KRT40: variants seen among roughly 807,000 people sequenced by gnomAD.
KRT40 encodes the protein keratin, type I cytoskeletal 40.
Under a neutral mutation model 43.5 loss-of-function variants are expected in KRT40, and 47 were observed. The observed-to-expected ratio is 1.08, with a 90% CI of 0.86 to 1.38. The LOEUF is 1.38. Ranked by LOEUF, KRT40 falls within the 40% of genes most tolerant of loss-of-function variation. The pLI is 0.00. For synonymous variants in KRT40, 212 were observed against 214.0 expected (o/e 0.99, Z 0.08); for missense variants, 573 against 523.6 (o/e 1.09, Z -0.92).
At position 40,984,246 on chromosome 17, in the gene KRT40, AGT is replaced by A. The variant is rs1912353493; in HGVS notation, c.26_27del (p.His9LeufsTer4). 6.2e-7 allele frequency: 1 copy of A among 1,612,766 alleles called. No homozygotes were observed. The highest frequency in any genetic ancestry group is 1.3e-5 in the African/African-American group (1 of 74,980). ...GCCGTGCCACAGGACTCAGGAGAGC[AGT>A]GTGTGGAGGAGCAGTCAGAAGTCAT... is the stretch of plus-strand genomic sequence containing the variant. Reference protein sequence around the residue: MTSDCSSTHCSPESCGTAS... With the variant: MTSDCSSTXCSPESCGTAS... On this transcript the variant is annotated frameshift_variant, in exon 1 of 7. Coordinates refer to ENST00000377755, the MANE Select transcript of KRT40 (RefSeq NM_001389244.1). LOFTEE classifies it high-confidence loss of function.
intron 3 of KRT40, among the ~76,000 whole-genome samples, chr17:40,981,948 G>A (rs1439782687): frequency 2.6e-5 from 4 of 151,732 alleles, no homozygotes; most frequent in South Asian, 2.1e-4. Flanking sequence ...GTAAGATCTC[G>A]GCTCACTGCA....
intron 5 of KRT40, among the ~76,000 whole-genome samples, chr17:40,980,362 G>C (rs993653382): frequency 5.9e-5 from 9 of 152,280 alleles, no homozygotes; most frequent in South Asian, 2.1e-4. Flanking sequence ...TTGCTTGAGT[G>C]GGGGGTGGTG....
At chr17:40,980,614 C>A (rs1002921001) in intron 5 of KRT40, among the ~76,000 whole-genome samples, 171 bp downstream of exon 5, 5 of 152,138 alleles carry the variant, frequency 3.3e-5, no homozygotes, top group African/African-American at 1.2e-4. Flanking sequence ...GAAGGTAAGG[C>A]ATCTTAGAGG....
At chr17:40,984,824 TAA>T (rs1490141240), upstream of KRT40, among the ~76,000 whole-genome samples, 2 of 148,202 alleles carry the variant, frequency 1.3e-5, no homozygotes, top group East Asian at 3.9e-4. Context: ...CATGTGCTGA[TAA>T]AGACTGGAGG....
At chr17:40,978,607 T>C (rs1323720598) in intron 6 of KRT40, among the ~76,000 whole-genome samples, 197 bp downstream of exon 6, 1 of 148,206 alleles carries the variant, frequency 6.7e-6, no homozygotes, top group East Asian at 1.9e-4. Flanking sequence ...ACACTAATAA[T>C]TAATCTGCCT....
At position 40,984,141 on chromosome 17, in the gene KRT40, T is replaced by C; in HGVS notation, c.133A>G (p.Thr45Ala). The C allele has an allele frequency of 1.2e-6, 2 of 1,613,614 alleles. No homozygotes were observed. The highest frequency in any genetic ancestry group is 1.7e-6 in the Non-Finnish European group (2 of 1,179,940). ...CGAGACCTGGATAGGAAGCTTGGAGTCTGACATCGGGATGTAGCACAGGTA... is the reference window on the plus strand; with the variant it reads ...CGAGACCTGGATAGGAAGCTTGGAGCCTGACATCGGGATGTAGCACAGGTA... ...PGTCATSRCQ[T>A]PSFLSRSRGL... is the part of the protein sequence containing the mutation. The change falls in exon 1 of 7, where the codon ACT becomes GCT. Residue 45 changes from threonine (T) to alanine (A), a missense_variant. Physicochemically the swap from Thr to Ala is moderately conservative, Grantham distance 58. Coordinates refer to ENST00000377755, the MANE Select transcript of KRT40 (RefSeq NM_001389244.1).
chr17:40,978,594 G>A (rs1318373870), intron 6 of KRT40, among the ~76,000 whole-genome samples: 2 of 150,244 alleles, frequency 1.3e-5, no homozygotes, highest in Non-Finnish European at 2.9e-5. Flanking sequence ...AGCATGAAAT[G>A]TTACACTAAT....
At chr17:40,978,430 C>G (rs958312944) in intron 6 of KRT40, 134 bp from the exon 7 acceptor site, 4 of 707,726 alleles carry the variant, frequency 5.7e-6, no homozygotes, top group African/African-American at 1.7e-5. Flanking sequence ...TTGACTGAAG[C>G]CTGTTTCTTC....
At chr17:40,986,066 T>A (rs1336089387), upstream of KRT40, among the ~76,000 whole-genome samples, 1 of 152,222 alleles carries the variant, frequency 6.6e-6, no homozygotes, top group African/African-American at 2.4e-5. Flanking sequence ...TGTATAATGA[T>A]CTATAGCTAT....
In KRT40 at chr17:40,983,041, C is replaced by T. The variant is rs1218366736; in HGVS notation, c.530+5G>A. On this transcript the variant is annotated splice_donor_5th_base_variant and intron_variant, in intron 2 of 6. Coordinates refer to ENST00000377755, the MANE Select transcript of KRT40 (RefSeq NM_001389244.1). ...ATAAATAAAATAAAATTAAATTAAA[C>T]TTACTTTGACTTAAAGTCATCAGTG... 2 of 1,156,316 alleles carry T rather than the reference C, an allele frequency of 1.7e-6. No homozygotes were observed. The highest frequency in any genetic ancestry group is 3.1e-5 in the African/African-American group (2 of 63,670). The allele number at this position is 1,156,316 out of a possible 1,614,324, so 71.6% of individuals were successfully genotyped here. A position where few individuals can be genotyped will look rare whatever the true frequency, so the allele number is the denominator to read the frequency against.
In KRT40 at chr17:40,977,908, A is replaced by G. The variant is rs1027165381; in HGVS notation, c.*289T>C. ...AGATGATTTCCTTGCCATAAAATGA[A>G]TATTCTATCAACAGTAATCAGCCAT... is the stretch of plus-strand genomic sequence containing the variant. On this transcript the variant is annotated 3_prime_UTR_variant, in exon 7 of 7. Coordinates refer to ENST00000377755, the MANE Select transcript of KRT40 (RefSeq NM_001389244.1). 4.0e-5 allele frequency: 10 copies of G among 252,826 alleles called. No homozygotes were observed. The highest frequency in any genetic ancestry group is 6.9e-5 in the Non-Finnish European group (9 of 130,906). The allele number at this position is 252,826 out of a possible 1,614,324, so 15.7% of individuals were successfully genotyped here. A position where few individuals can be genotyped will look rare whatever the true frequency, so the allele number is the denominator to read the frequency against.
At position 40,984,266 on chromosome 17, in the gene KRT40, G is replaced by A; in HGVS notation, c.8C>T (p.Ser3Phe). Residue 3 changes from serine (S) to phenylalanine (F), a missense_variant, in exon 1 of 7, where the codon TCT (serine) becomes TTT (phenylalanine). Transcript: ENST00000377755. MTSDCSSTHCSPE... is the reference protein window; with the variant it reads MTFDCSSTHCSPE... Reference sequence around the variant, plus strand: ...AGAGCAGTGTGTGGAGGAGCAGTCAGAAGTCATCCTTCCAGAAGCAAAGAC... The same window carrying A: ...AGAGCAGTGTGTGGAGGAGCAGTCAAAAGTCATCCTTCCAGAAGCAAAGAC... 8 of 1,603,146 alleles carry A rather than the reference G, an allele frequency of 5.0e-6. No homozygotes were observed. The highest frequency in any genetic ancestry group is 6.8e-6 in the Non-Finnish European group (8 of 1,171,906).
intron 5 of KRT40, among the ~76,000 whole-genome samples, chr17:40,979,514 AAG>A (rs1840815604): frequency 6.6e-6 from 1 of 151,704 alleles, no homozygotes; most frequent in East Asian, 1.9e-4. Flanking sequence ...AAAAAAAAAA[AAG>A]AGTTAATGTG....
chr17:40,979,500 C>CA (rs35017931), intron 5 of KRT40, among the ~76,000 whole-genome samples: 1,634 of 129,054 alleles, frequency 0.013, 15 homozygotes, highest in Middle Eastern at 0.032. Flanking sequence ...AGACTCCGTC[C>CA]AAAAAAAAAA....
intron 6 of KRT40, 43 bp downstream of exon 6, chr17:40,978,761 C>G: frequency 1.9e-6 from 3 of 1,544,272 alleles, no homozygotes; most frequent in Non-Finnish European, 2.7e-6. Flanking sequence ...ACATCAGCCT[C>G]TTTGTGACTC....
chr17:40,979,074 C>T, intron 5 of KRT40, 50 bp from the exon 6 acceptor site: 1 of 1,405,468 alleles, frequency 7.1e-7, no homozygotes, highest in Non-Finnish European at 9.9e-7. Context: ...GTCTCTCGGG[C>T]CAGAGTGCCT....
upstream of KRT40, among the ~76,000 whole-genome samples, chr17:40,985,978 T>C (rs2058737): frequency 0.28 from 43,318 of 152,142 alleles, 6,700 homozygotes; most frequent in African/African-American, 0.39. Context: ...AACTAATTTC[T>C]AATTGTAAAT....
At chr17:40,982,915 G>A (rs1027123650) in intron 2 of KRT40, 131 bp downstream of exon 2, 4 of 505,256 alleles carry the variant, frequency 7.9e-6, no homozygotes, top group Admixed American at 3.5e-5. Flanking sequence ...GGCTGAGGCA[G>A]GAGAACCACT....
In KRT40 at chr17:40,981,098, G is replaced by A; in HGVS notation, c.741C>T (p.Asp247=). 1 of 1,614,210 alleles carries A rather than the reference G, an allele frequency of 6.2e-7. No individual in the cohort carries two copies. The highest frequency in any genetic ancestry group is 1.3e-5 in the African/African-American group (1 of 75,058). Residue 247 remains aspartate (D), a synonymous_variant, in exon 4 of 7, where the codon GAC becomes GAT. Coordinates refer to ENST00000377755, the MANE Select transcript of KRT40 (RefSeq NM_001389244.1). ...QLGDRLSVEL[D]TAPTLDLNRV... The stretch of plus-strand genomic sequence containing the variant: ...TGTTGAGGTCAAGGGTGGGGGCAGT[G>A]TCCAGCTCCACACTGAGGCGGTCGC...
Sources: gnomAD v4.1 joint callset for allele counts (sites outside exome capture counted in the v4.1 genomes callset) on GRCh38, gnomAD v4.1.1 for gene constraint, MANE v1.5 for transcripts, NCBI Gene and HGNC (gene_info 2026-07-23, HGNC 2026-07-21) for gene names.